Variants in PPM1D observed in about 807,000 individuals in gnomAD.
PPM1D encodes protein phosphatase 1D.
In PPM1D, 52 loss-of-function variants were observed where a neutral mutation model predicts 58.3. That is an observed-to-expected ratio of 0.89 (90% CI 0.71 to 1.12). The LOEUF (loss-of-function observed/expected upper bound fraction) is 1.12. PPM1D is among the 50% of genes most tolerant of loss of function. The pLI is 0.00. For synonymous variants in PPM1D, 278 were observed against 285.1 expected (o/e 0.98, Z 0.25); for missense variants, 564 against 777.2 (o/e 0.73, Z 3.26).
chr17:60,623,941 T>C (rs898738803), intron 2 of PPM1D, among the ~76,000 whole-genome samples, 192 bp downstream of exon 2: 2 of 152,224 alleles, frequency 1.3e-5, no homozygotes, highest in Admixed American at 6.5e-5. Context: ...TTGACTTTTA[T>C]TTCTGATAAT....
At chr17:60,602,653 A>G (rs541185362) in intron 1 of PPM1D, among the ~76,000 whole-genome samples, 3 of 152,158 alleles carry the variant, frequency 2.0e-5, no homozygotes, top group Non-Finnish European at 2.9e-5. Context: ...TTAGTTTTAC[A>G]TACACAGACT....
chr17:60,637,931 T>G (rs955899313), intron 3 of PPM1D, among the ~76,000 whole-genome samples: 3 of 152,214 alleles, frequency 2.0e-5, no homozygotes, highest in African/African-American at 7.2e-5. Flanking sequence ...TTTCAAATAC[T>G]GTTGTCATTT....
chr17:60,614,074 A>G (rs1598400745), intron 1 of PPM1D, among the ~76,000 whole-genome samples: 1 of 151,026 alleles, frequency 6.6e-6, no homozygotes. Context: ...CCGGTGCGGG[A>G]TCCACTGCAA....
intron 3 of PPM1D, among the ~76,000 whole-genome samples, chr17:60,636,709 T>G (rs2031028494): frequency 6.6e-6 from 1 of 151,808 alleles, no homozygotes; most frequent in South Asian, 2.1e-4. Context: ...CTCTTTTTTT[T>G]TTGAGATGAG....
At chr17:60,635,823 G>A (rs542537326) in intron 3 of PPM1D, among the ~76,000 whole-genome samples, 9 of 152,274 alleles carry the variant, frequency 5.9e-5, no homozygotes, top group East Asian at 1.9e-4. Flanking sequence ...TTACAGTCCC[G>A]CTGTATTAGT....
chr17:60,633,815 A>T (rs765186131), intron 2 of PPM1D, 38 bp from the exon 3 acceptor site: 1 of 1,538,510 alleles, frequency 6.5e-7, no homozygotes, highest in East Asian at 2.3e-5. Context: ...GTTGTATTTT[A>T]ATCATTTAGA....
chr17:60,625,841 C>T (rs1430571742), intron 2 of PPM1D, among the ~76,000 whole-genome samples: 3 of 151,790 alleles, frequency 2.0e-5, no homozygotes, highest in African/African-American at 7.3e-5. Flanking sequence ...TTATGCCATA[C>T]GTTTATTTTT....
At position 60,663,410 on chromosome 17, in the gene PPM1D, G is replaced by C. The variant is rs373778062; in HGVS notation, c.1676G>C (p.Ser559Thr). ...AGACGAAATGGCTTAAGTCGAAGTAGTGGTGCTCAGCCTGCAAGTCTCCCC... is the reference window on the plus strand; with the variant it reads ...AGACGAAATGGCTTAAGTCGAAGTACTGGTGCTCAGCCTGCAAGTCTCCCC... ...KHRRNGLSRS[S>T]GAQPASLPTT... Residue 559 changes from serine to threonine, a missense_variant, in exon 6 of 6, where the codon AGT becomes ACT. This residue lies in a region of PPM1D where 261 missense variants were observed against 270.1 expected (regional missense o/e 0.97). Transcript: ENST00000305921. The C allele has an allele frequency of 2.5e-6, 4 of 1,614,198 alleles. No individual in the cohort carries two copies. The highest frequency in any genetic ancestry group is 2.2e-5 in the East Asian group (1 of 44,896).
intron 3 of PPM1D, 89 bp downstream of exon 3, chr17:60,634,066 C>G: frequency 6.9e-7 from 1 of 1,441,392 alleles, no homozygotes; most frequent in Non-Finnish European, 9.5e-7. Context: ...TAAACCCTTA[C>G]TTGGCATATA....
chr17:60,640,666 T>TA (rs2031116182), intron 3 of PPM1D, among the ~76,000 whole-genome samples: 1 of 152,138 alleles, frequency 6.6e-6, no homozygotes, highest in Admixed American at 6.6e-5. Context: ...ACCCAATTGT[T>TA]AGTTTTTCAT....
At chr17:60,609,197 G>T (rs914991892) in intron 1 of PPM1D, among the ~76,000 whole-genome samples, 1 of 150,426 alleles carries the variant, frequency 6.6e-6, no homozygotes, top group African/African-American at 2.4e-5. Flanking sequence ...GGATTCAAGC[G>T]ATTCTCCTAC....
chr17:60,600,590 C>A lies in PPM1D; in HGVS notation c.176C>A (p.Pro59His). 1 of 1,556,760 alleles carries A rather than the reference C, an allele frequency of 6.4e-7. No homozygotes were observed. The highest frequency in any genetic ancestry group is 1.2e-5 in the South Asian group (1 of 84,866). ...LPPRPSPAAL[P>H]GGEVSGKGPA... Reference sequence around the variant, plus strand: ...CCGCGGCCGTCGCCGGCCGCCCTTCCCGGCGGCGAAGTCTCGGGGAAAGGC... The same window carrying A: ...CCGCGGCCGTCGCCGGCCGCCCTTCACGGCGGCGAAGTCTCGGGGAAAGGC... Residue 59 changes from proline to histidine, a missense_variant, in exon 1 of 6, where the codon CCC becomes CAC. Pro to His is a moderately conservative substitution (Grantham distance 77). Coordinates refer to ENST00000305921, the MANE Select transcript of PPM1D (RefSeq NM_003620.4).
chr17:60,608,994 T>G (rs1283460501), intron 1 of PPM1D, among the ~76,000 whole-genome samples: 1 of 151,158 alleles, frequency 6.6e-6, no homozygotes, highest in Non-Finnish European at 1.5e-5. Flanking sequence ...TGATGTGCCC[T>G]CCTCGGCCTC....
chr17:60,647,882 C>G lies in PPM1D; in HGVS notation c.827-10C>G. ...TAATACTTCTTGCTTTTTCTGCTCC[C>G]TTCCCCCAGGTGATTTGTGGAGCTA... is the stretch of plus-strand genomic sequence containing the variant. On this transcript the variant is annotated splice_polypyrimidine_tract_variant and intron_variant, in intron 3 of 5. Coordinates refer to ENST00000305921, the MANE Select transcript of PPM1D (RefSeq NM_003620.4). 6.2e-7 allele frequency: 1 copy of G among 1,605,236 alleles called. No individual in the cohort carries two copies. The highest frequency in any genetic ancestry group is 1.1e-5 in the South Asian group (1 of 90,282).
rs1008117441 is a variant in PPM1D, at chr17:60,663,354, G to A, written c.1620G>A (p.Glu540=). The change falls in exon 6 of 6, where the codon GAG becomes GAA. Residue 540 remains glutamate (E), a synonymous_variant. Transcript: ENST00000305921. ...PPTNFKRTLE[E]SNSGPLMKKH... ...CAAACTTTAAAAGGACATTAGAAGA[G>A]TCCAATTCTGGCCCCCTGATGAAGA... is the stretch of plus-strand genomic sequence containing the variant. 1 of 1,614,198 alleles carries A rather than the reference G, an allele frequency of 6.2e-7. No individual in the cohort carries two copies. The highest frequency in any genetic ancestry group is 1.6e-4 in the Middle Eastern group (1 of 6,062).
chr17:60,622,685 C>T (rs1172779391), intron 1 of PPM1D, among the ~76,000 whole-genome samples: 2 of 152,098 alleles, frequency 1.3e-5, no homozygotes, highest in African/African-American at 2.4e-5. Context: ...CTCATAAGTT[C>T]GTCACAAGCA....
At chr17:60,631,615 A>C (rs923106941) in intron 2 of PPM1D, among the ~76,000 whole-genome samples, 20 of 151,744 alleles carry the variant, frequency 1.3e-4, no homozygotes, top group Non-Finnish European at 2.7e-4. Flanking sequence ...CAAAAAAAAA[A>C]GGGTGGGGGG....
At chr17:60,645,117 G>A (rs528735726) in intron 3 of PPM1D, among the ~76,000 whole-genome samples, 2 of 152,248 alleles carry the variant, frequency 1.3e-5, no homozygotes, top group South Asian at 4.1e-4. Context: ...ACTTTGGGAA[G>A]CCTAGGTGTA....
chr17:60,618,828 C>T (rs2030637484), intron 1 of PPM1D, among the ~76,000 whole-genome samples: 1 of 152,128 alleles, frequency 6.6e-6, no homozygotes, highest in South Asian at 2.1e-4. Context: ...TGTATGTATA[C>T]ATTGTGAAAT....
Sources: gnomAD v4.1 joint callset for allele counts (sites outside exome capture counted in the v4.1 genomes callset) on GRCh38, gnomAD v4.1.1 for gene constraint, gnomAD v4.1.1 regional missense constraint, MANE v1.5 for transcripts, NCBI Gene and HGNC (gene_info 2026-07-23, HGNC 2026-07-21) for gene names.